Variants in R3HCC1L observed in about 807,000 individuals in gnomAD.
R3HCC1L encodes the protein coiled-coil domain-containing protein R3HCC1L.
R3HCC1L carries 51 observed loss-of-function variants against 59.9 expected under a neutral mutation model. The ratio of observed to expected loss-of-function variants is 0.85; its 90% CI spans 0.68 to 1.07. The LOEUF (loss-of-function observed/expected upper bound fraction) is 1.07. Among genes scored for constraint, R3HCC1L ranks in the 50% least tolerant of loss-of-function variants. The pLI, the probability that R3HCC1L is intolerant of heterozygous loss-of-function variation, is 0.00. For missense variants in R3HCC1L, 965 were observed against 933.0 expected, an observed-to-expected ratio of 1.03 and a Z score of -0.45; for synonymous variants, 322 against 315.2, an observed-to-expected ratio of 1.02 and a Z score of -0.23.
At chr10:98,228,131 AGTTCTAGATCCCTGAGGAATT>A (rs1161563228) in intron 5 of R3HCC1L, among the ~76,000 whole-genome samples, 7 of 152,190 alleles carry the variant, frequency 4.6e-5, no homozygotes, top group Non-Finnish European at 8.8e-5. Context: ...TGGTATTTCT[AGTTCTAGATCCCTGAGGAATT>A]GCCACACTGT....
intron 4 of R3HCC1L, among the ~76,000 whole-genome samples, chr10:98,200,042 A>G (rs543012977): frequency 1.3e-5 from 2 of 152,068 alleles, no homozygotes; most frequent in Non-Finnish European, 2.9e-5. Flanking sequence ...CCCTTTCTCA[A>G]TTCTTATTCT....
At chr10:98,234,583 TC>T (rs2135679905) in intron 7 of R3HCC1L, 67 bp downstream of exon 7, 1 of 1,499,168 alleles carries the variant, frequency 6.7e-7, no homozygotes, top group African/African-American at 1.4e-5. Flanking sequence ...TTTTTCTATT[TC>T]CCTTCTATTT....
intron 9 of R3HCC1L, 152 bp from the exon 10 acceptor site, chr10:98,243,939 G>A (rs1857815554): frequency 1.7e-6 from 1 of 590,272 alleles, no homozygotes; most frequent in South Asian, 2.1e-5. Flanking sequence ...AAAGCACTTA[G>A]GAAATTAAAG....
chr10:98,225,347 T>C (rs762658609), intron 5 of R3HCC1L, among the ~76,000 whole-genome samples: 8 of 152,238 alleles, frequency 5.3e-5, no homozygotes, highest in Non-Finnish European at 1.0e-4. Flanking sequence ...TCCCATGTTA[T>C]CCTCTCTTTG....
intron 7 of R3HCC1L, among the ~76,000 whole-genome samples, chr10:98,235,092 C>G (rs934556479): frequency 1.3e-5 from 2 of 152,116 alleles, no homozygotes; most frequent in African/African-American, 4.8e-5. Flanking sequence ...TGTGGAGCAT[C>G]AGGTCTCTGT....
intron 1 of R3HCC1L, among the ~76,000 whole-genome samples, chr10:98,148,977 A>G (rs997264412): frequency 3.9e-5 from 6 of 152,190 alleles, no homozygotes; most frequent in Non-Finnish European, 7.4e-5. Context: ...AGAATTCACC[A>G]GTGAAGCCAT....
rs776214741 is a variant in R3HCC1L at position 98,209,143 on chromosome 10, A to G, written c.1029A>G (p.Leu343=). Residue 343 remains leucine (L), a synonymous_variant, in exon 5 of 10, where the codon TTA becomes TTG. Coordinates refer to ENST00000298999, the MANE Select transcript of R3HCC1L (RefSeq NM_001351015.2). ...AGAATGACAGCACTGCTGATGAGTT[A>G]CATGTAAAGCACGAACCTCCTGATA... ...CEKNDSTADE[L]HVKHEPPDTA... The G allele has an allele frequency of 6.2e-7, 1 of 1,614,062 alleles. No homozygotes were observed. The highest frequency in any genetic ancestry group is 8.5e-7 in the Non-Finnish European group (1 of 1,179,994).
chr10:98,223,034 G>A (rs911586108), intron 5 of R3HCC1L, among the ~76,000 whole-genome samples: 1 of 151,756 alleles, frequency 6.6e-6, no homozygotes, highest in Non-Finnish European at 1.5e-5. Flanking sequence ...ATCTGAAATT[G>A]TGGCAATAAT....
chr10:98,173,708 A>G (rs1848735735), intron 4 of R3HCC1L, among the ~76,000 whole-genome samples: 1 of 151,010 alleles, frequency 6.6e-6, no homozygotes, highest in Non-Finnish European at 1.5e-5. Context: ...CCCTCCCCCT[A>G]CTCTTTTTTC....
chr10:98,240,888 A>C (rs61875309), intron 9 of R3HCC1L, among the ~76,000 whole-genome samples: 28,277 of 151,194 alleles, frequency 0.19, 2,777 homozygotes, highest in Middle Eastern at 0.21. Context: ...AATAAACCTA[A>C]TACCTTTGCC....
chr10:98,209,149 A>G lies in R3HCC1L; in HGVS notation c.1035A>G (p.Val345=). 6.2e-7 allele frequency: 1 copy of G among 1,614,020 alleles called. No individual in the cohort carries two copies. Among genetic ancestry groups the G allele is most frequent in the Non-Finnish European group, 8.5e-7 (1 of 1,179,984 alleles). ...ACAGCACTGCTGATGAGTTACATGT[A>G]AAGCACGAACCTCCTGATACAGCTG... ...KNDSTADELH[V]KHEPPDTAVL... Residue 345 remains valine, a synonymous_variant, in exon 5 of 10, where the codon GTA becomes GTG. Transcript: ENST00000298999.
intron 4 of R3HCC1L, among the ~76,000 whole-genome samples, chr10:98,165,953 C>T (rs764083928): frequency 6.6e-6 from 1 of 152,206 alleles, no homozygotes; most frequent in Non-Finnish European, 1.5e-5. Context: ...GGGTGGCTCA[C>T]CTGAGGTCAG....
Position 98,209,639 on chromosome 10 carries a change from C to A in R3HCC1L, c.1525C>A (p.Leu509Met). Residue 509 changes from leucine (L) to methionine (M), a missense_variant, in exon 5 of 10, where the codon CTG becomes ATG. By Grantham distance (15) the Leu-to-Met change is conservative (BLOSUM62 2). Coordinates refer to ENST00000298999, the MANE Select transcript of R3HCC1L (RefSeq NM_001351015.2). ...TTCAGACAGTGCCGTGGGCATTGAC[C>A]TGGGTAGTACTGGTGATACAACAGA... ...VLSDSAVGID[L>M]GSTGDTTEAL... The A allele has an allele frequency of 1.2e-6, 2 of 1,613,950 alleles. No homozygotes were observed. The highest frequency in any genetic ancestry group is 1.7e-6 in the Non-Finnish European group (2 of 1,179,946).
chr10:98,156,052 ATTTTTTT>A (rs759030687), intron 1 of R3HCC1L, 34 bp from the exon 2 acceptor site: 1 of 142,882 alleles, frequency 7.0e-6, no homozygotes, highest in Non-Finnish European at 1.5e-5. Flanking sequence ...GTCAGTTTGA[ATTTTTTT>A]TTTTTTTTTA....
chr10:98,170,745 C>A (rs1590529524), intron 4 of R3HCC1L, among the ~76,000 whole-genome samples: 2 of 152,318 alleles, frequency 1.3e-5, no homozygotes, highest in East Asian at 3.9e-4. Context: ...CTGTATTTGA[C>A]CAGAATGTGG....
chr10:98,157,453 T>G (rs567350321), intron 2 of R3HCC1L, among the ~76,000 whole-genome samples: 1 of 152,224 alleles, frequency 6.6e-6, no homozygotes, highest in Non-Finnish European at 1.5e-5. Context: ...TCCCAAACTT[T>G]CTTTCACAGA....
intron 4 of R3HCC1L, among the ~76,000 whole-genome samples, chr10:98,175,313 C>T (rs1156355595): frequency 6.6e-6 from 1 of 151,936 alleles, no homozygotes; most frequent in Non-Finnish European, 1.5e-5. Flanking sequence ...TCATTTTTTT[C>T]ATTAAAAAAC....
intron 4 of R3HCC1L, among the ~76,000 whole-genome samples, chr10:98,206,716 T>C (rs1852716230): frequency 6.6e-6 from 1 of 152,222 alleles, no homozygotes; most frequent in African/African-American, 2.4e-5. Flanking sequence ...TGTCAGATGT[T>C]TTACTTACTG....
chr10:98,207,099 T>C (rs1852765001), intron 4 of R3HCC1L, among the ~76,000 whole-genome samples: 1 of 152,184 alleles, frequency 6.6e-6, no homozygotes, highest in South Asian at 2.1e-4. Flanking sequence ...TTTTCCTCTC[T>C]GCCTTCTCAT....
Sources: allele counts gnomAD v4.1 joint callset (sites outside exome capture counted in the v4.1 genomes callset), GRCh38; gene constraint gnomAD v4.1.1; transcripts MANE v1.5; gene names NCBI Gene and HGNC (gene_info 2026-07-23, HGNC 2026-07-21).